NIBAN3: variants seen among roughly 807,000 people sequenced by gnomAD.
NIBAN3 encodes niban apoptosis regulator 3, also known as protein Niban 3.
Under a neutral mutation model 76.4 loss-of-function variants are expected in NIBAN3, and 66 were observed. The ratio of observed to expected loss-of-function variants is 0.86; its 90% confidence interval spans 0.71 to 1.06. The LOEUF (loss-of-function observed/expected upper bound fraction) is 1.06, where lower values mean the gene tolerates loss of function less well. NIBAN3 is among the 50% of genes least tolerant of loss of function. The pLI is 0.00. For missense variants in NIBAN3, 808 were observed against 810.7 expected, an observed-to-expected ratio of 1.00 and a Z score of 0.04; for synonymous variants, 360 against 355.2, an observed-to-expected ratio of 1.01 and a Z score of -0.15.
rs150439084 is a variant in NIBAN3 at position 17,540,548 on chromosome 19, G to A, written c.1136G>A (p.Arg379His). ...QGMDRLSHRL[R>H]QSPSGTRLRR... is the part of the protein sequence containing the mutation. ...ATGGACCGACTGTCCCACCGCCTGC[G>A]CCAGAGCCCCTCAGGCACGCGGCTG... Residue 379 changes from arginine (R) to histidine (H), a missense_variant, in exon 9 of 15, where the codon CGC becomes CAC. By Grantham distance (29) the Arg-to-His change is conservative. Coordinates refer to ENST00000599164, the MANE Select transcript of NIBAN3 (RefSeq NM_001321827.2). The A allele has an allele frequency of 2.4e-5, 37 of 1,558,264 alleles. No individual in the cohort carries two copies. The highest frequency in any genetic ancestry group is 9.6e-5 in the East Asian group (4 of 41,548).
chr19:17,539,920 T>A (rs1416698695), intron 8 of NIBAN3, among the ~76,000 whole-genome samples, 155 bp downstream of exon 8: 10 of 30,678 alleles, frequency 3.3e-4, no homozygotes, highest in Non-Finnish European at 5.9e-4. Context: ...AGGGAACGGG[T>A]GGGGAAGGGG....
intron 1 of NIBAN3, among the ~76,000 whole-genome samples, chr19:17,528,222 G>C (rs769031885): frequency 1.3e-5 from 2 of 152,028 alleles, no homozygotes; most frequent in Non-Finnish European, 2.9e-5. Context: ...CTCCCGAGTA[G>C]CTGGGATTAC....
intron 3 of NIBAN3, among the ~76,000 whole-genome samples, chr19:17,533,123 C>T (rs556388134): frequency 2.0e-5 from 3 of 151,966 alleles, no homozygotes; most frequent in South Asian, 4.2e-4. Flanking sequence ...AAATACAAAA[C>T]CTAGGGCCAG....
chr19:17,543,171 G>C lies in NIBAN3; in HGVS notation c.1330-146G>C, dbSNP rs2075985933. 4.8e-6 allele frequency: 3 copies of C among 628,768 alleles called. No homozygotes were observed. In the South Asian group the frequency reaches 6.3e-5, roughly 13 times the overall value. 38.9% of individuals were successfully genotyped at this position (628,768 alleles called of 1,614,324 possible). On this transcript the variant is annotated intron_variant, in intron 10 of 14. Coordinates refer to ENST00000599164, the MANE Select transcript of NIBAN3 (RefSeq NM_001321827.2). The stretch of plus-strand genomic sequence containing the variant: ...CCCAGGTCCTGAGAGGAGGGGAAAG[G>C]TGTTTCCTGGGACAAGGAGGAGGAG...
intron 5 of NIBAN3, 119 bp downstream of exon 5, chr19:17,537,662 T>G: frequency 1.0e-6 from 1 of 988,052 alleles, no homozygotes; most frequent in South Asian, 1.7e-5. Flanking sequence ...AATGGGTTTT[T>G]AGGCCAGGTG....
Position 17,527,310 on chromosome 19 carries a change from G to A in NIBAN3, c.-31G>A, listed in dbSNP as rs750624598. 1 of 1,550,644 alleles carries A rather than the reference G, an allele frequency of 6.4e-7. No individual in the cohort carries two copies. The highest frequency in any genetic ancestry group is 1.2e-5 in the South Asian group (1 of 84,022). ...GAACGCAGGCGGTGGTCGTGGGGAA[G>A]GGAAGAGGAGCCCCGGGAGACGACA... On this transcript the variant is annotated 5_prime_UTR_variant, in exon 1 of 15. Coordinates refer to ENST00000599164, the MANE Select transcript of NIBAN3 (RefSeq NM_001321827.2).
chr19:17,540,416 C>T lies in NIBAN3; in HGVS notation c.1004C>T (p.Ser335Leu), dbSNP rs116690925. 1,149 of 1,518,336 alleles carry T rather than the reference C, an allele frequency of 7.6e-4. 11 individuals carry two copies. In the African/African-American group the frequency reaches 0.015, roughly 20 times the overall value. The allele number at this position is 1,518,336 out of a possible 1,614,324, so 94.1% of individuals were successfully genotyped here. A position where few individuals can be genotyped will look rare whatever the true frequency, so the allele number is the denominator to read the frequency against. ...GCGGATATCAGGGGACCGCTCGAGT[C>T]GTGCCTGCGCCGGGAGGTGGACCCG... ...LRTDIRGPLE[S>L]CLRREVDPQL... The change falls in exon 9 of 15, where the codon TCG becomes TTG. Residue 335 changes from serine (S) to leucine (L), a missense_variant. By Grantham distance (145) the Ser-to-Leu change is moderately radical. Coordinates refer to ENST00000599164, the MANE Select transcript of NIBAN3 (RefSeq NM_001321827.2).
At chr19:17,543,203 C>A in intron 10 of NIBAN3, 114 bp from the exon 11 acceptor site, 1 of 671,266 alleles carries the variant, frequency 1.5e-6, no homozygotes, top group Non-Finnish European at 2.6e-6. Context: ...GGAGGTTGGG[C>A]AGAGGTGGCT....
chr19:17,530,674 T>C (rs2075703639), intron 1 of NIBAN3, 81 bp from the exon 2 acceptor site: 2 of 1,426,294 alleles, frequency 1.4e-6, no homozygotes, highest in South Asian at 2.9e-5. Context: ...CCAGGTGGCT[T>C]CCCTGTCTGT....
intron 13 of NIBAN3, among the ~76,000 whole-genome samples, chr19:17,548,191 G>A (rs1229281983): frequency 3.9e-5 from 6 of 152,168 alleles, no homozygotes; most frequent in Admixed American, 2.6e-4. Context: ...CACTGATTGG[G>A]GGGTGAACAG....
intron 1 of NIBAN3, among the ~76,000 whole-genome samples, chr19:17,527,756 C>T (rs1369925020): frequency 6.6e-6 from 1 of 151,698 alleles, no homozygotes; most frequent in Non-Finnish European, 1.5e-5. Context: ...GACAGGGTGT[C>T]CCTATGTTGG....
chr19:17,535,681 G>T (rs2075812890), intron 4 of NIBAN3, among the ~76,000 whole-genome samples: 1 of 150,728 alleles, frequency 6.6e-6, no homozygotes, highest in South Asian at 2.1e-4. Context: ...CTGGGAGGCA[G>T]AGGTTATAGT....
intron 4 of NIBAN3, among the ~76,000 whole-genome samples, chr19:17,535,074 CA>C (rs1044030850): frequency 6.6e-6 from 1 of 152,174 alleles, no homozygotes; most frequent in Non-Finnish European, 1.5e-5. Flanking sequence ...TGATGCTGCT[CA>C]AAACATCAGA....
intron 4 of NIBAN3, among the ~76,000 whole-genome samples, chr19:17,535,026 G>T (rs769074719): frequency 3.9e-5 from 6 of 152,172 alleles, no homozygotes; most frequent in African/African-American, 1.2e-4. Flanking sequence ...AAGCTATCTT[G>T]CTGTCAAAGG....
At chr19:17,544,041 C>T (rs1465642311) in intron 12 of NIBAN3, 1 of 171,040 alleles carries the variant, frequency 5.8e-6, no homozygotes, top group East Asian at 1.7e-4. Context: ...GACCATTTGA[C>T]CTTAATCCTA....
At chr19:17,547,869 G>T (rs561936456) in intron 13 of NIBAN3, among the ~76,000 whole-genome samples, 4 of 151,998 alleles carry the variant, frequency 2.6e-5, no homozygotes, top group African/African-American at 9.6e-5. Flanking sequence ...GTTTCACTAT[G>T]TTGGCCAGGC....
chr19:17,532,610 G>A (rs554309061), intron 3 of NIBAN3, among the ~76,000 whole-genome samples: 2 of 152,308 alleles, frequency 1.3e-5, no homozygotes, highest in South Asian at 4.1e-4. Context: ...GGATAGGGTC[G>A]TGGTCAGTAT....
At chr19:17,527,234 A>G, upstream of NIBAN3, 1 of 1,548,648 alleles carries the variant, frequency 6.5e-7, no homozygotes, top group Non-Finnish European at 8.7e-7. Context: ...GGGCCTCTGA[A>G]CCCACTGTGA....
chr19:17,543,569 G>T lies in NIBAN3; in HGVS notation c.1492G>T (p.Gly498Cys). The change falls in exon 12 of 15, where the codon GGC (glycine) becomes TGC (cysteine). Residue 498 changes from glycine (G) to cysteine (C), a missense_variant. Coordinates refer to ENST00000599164, the MANE Select transcript of NIBAN3 (RefSeq NM_001321827.2). ...SGLAQRRFIR[G>C]WGLCIFLPFV... ...GTTGGCGCAGAGGAGGTTCATCCGA[G>T]GCTGGGGTCTCTGCATCTTTTTACC... 6.2e-7 allele frequency: 1 copy of T among 1,614,186 alleles called. No individual in the cohort carries two copies. The highest frequency in any genetic ancestry group is 8.5e-7 in the Non-Finnish European group (1 of 1,180,034).
Sources: allele counts gnomAD v4.1 joint callset (sites outside exome capture counted in the v4.1 genomes callset), GRCh38; gene constraint gnomAD v4.1.1; transcripts MANE v1.5; gene names NCBI Gene and HGNC (gene_info 2026-07-23, HGNC 2026-07-21).